The following PDK1 variants were observed in gnomAD, a reference collection of about 807,000 sequenced individuals.
The protein encoded by PDK1 is pyruvate dehydrogenase kinase 1.
In PDK1, 39 loss-of-function variants were observed where a neutral mutation model predicts 54.2. The observed-to-expected ratio is 0.72, with a 90% CI of 0.56 to 0.94. The LOEUF is 0.94. Among genes scored for constraint, PDK1 ranks in the 40% least tolerant of loss-of-function variants. The pLI is 0.00. For missense variants in PDK1, 552 were observed against 566.0 expected, an observed-to-expected ratio of 0.98 and a Z score of 0.25; for synonymous variants, 221 against 207.1, an observed-to-expected ratio of 1.07 and a Z score of -0.58.
downstream of PDK1, among the ~76,000 whole-genome samples, chr2:172,613,381 G>A (rs904969594): frequency 2.0e-5 from 3 of 152,194 alleles, no homozygotes; most frequent in African/African-American, 4.8e-5. Flanking sequence ...TGAGCAGTAC[G>A]CTCCATGACT....
rs200172534 is a variant in PDK1, at chr2:172,562,213, A to C, written c.339-7A>C. On this transcript the variant is annotated splice_polypyrimidine_tract_variant and splice_region_variant and intron_variant, in intron 2 of 10. Coordinates refer to ENST00000282077, the MANE Select transcript of PDK1 (RefSeq NM_002610.5). ...GAACAAACTTATCCTATTGATCTGCATTTTAGGTATATCCAGAGTCTTCAG... is the reference window on the plus strand; with the variant it reads ...GAACAAACTTATCCTATTGATCTGCCTTTTAGGTATATCCAGAGTCTTCAG... 1 of 1,511,618 alleles carries C rather than the reference A, an allele frequency of 6.6e-7. No individual in the cohort carries two copies. The allele number at this position is 1,511,618 out of a possible 1,614,324, so 93.6% of individuals were successfully genotyped here.
chr2:172,633,443 A>T, the PDK1 span, among the ~76,000 whole-genome samples: 1 of 146,124 alleles, frequency 6.8e-6, no homozygotes, highest in Non-Finnish European at 1.5e-5. Context: ...TCAAAATCAA[A>T]ACTGATCATT....
At chr2:172,694,525 A>G in the PDK1 span, among the ~76,000 whole-genome samples, 1 of 152,192 alleles carries the variant, frequency 6.6e-6, no homozygotes, top group Non-Finnish European at 1.5e-5. Flanking sequence ...TTCTCCAGGC[A>G]TTCAAGTTTC....
intron 8 of PDK1, 141 bp downstream of exon 8, chr2:172,570,965 G>A: frequency 1.8e-6 from 1 of 570,190 alleles, no homozygotes; most frequent in Non-Finnish European, 3.1e-6. Flanking sequence ...TAGATAATAA[G>A]CACATTGCTT....
chr2:172,582,369 G>C lies in PDK1; in HGVS notation c.946-3909G>C, dbSNP rs574644415. 3.3e-5 allele frequency among the ~76,000 whole-genome samples: 5 copies of C among 152,308 alleles called. No individual in the cohort carries two copies. In the South Asian group the frequency reaches 8.3e-4, roughly 25 times the overall value. On this transcript the variant is annotated intron_variant, in intron 8 of 10. Transcript: ENST00000282077. ...CTTTAGAGCTGTCATCTAGTCAGTA[G>C]TGGTTCATTTCATCTGGGCCTAGAG...
chr2:172,683,856 G>A, the PDK1 span, among the ~76,000 whole-genome samples: 4 of 152,198 alleles, frequency 2.6e-5, no homozygotes, highest in African/African-American at 7.2e-5. Context: ...GGGAAACACT[G>A]ACCTGTTGTA....
chr2:172,697,582 A>G, the PDK1 span, among the ~76,000 whole-genome samples: 1 of 152,224 alleles, frequency 6.6e-6, no homozygotes, highest in Non-Finnish European at 1.5e-5. Flanking sequence ...GTCTCCAGTT[A>G]AAATACAGTC....
At chr2:172,630,004 G>T in the PDK1 span, among the ~76,000 whole-genome samples, 6 of 152,018 alleles carry the variant, frequency 3.9e-5, no homozygotes, top group Non-Finnish European at 7.4e-5. Flanking sequence ...AAGGTGAGAA[G>T]GATTGATTGA....
At chr2:172,639,032 A>T in the PDK1 span, among the ~76,000 whole-genome samples, 26 of 152,328 alleles carry the variant, frequency 1.7e-4, no homozygotes, top group African/African-American at 6.3e-4. Flanking sequence ...TTTTAAAAAA[A>T]TTTTATTTTT....
At chr2:172,574,633 A>G (rs1439965737) in intron 8 of PDK1, among the ~76,000 whole-genome samples, 1 of 152,212 alleles carries the variant, frequency 6.6e-6, no homozygotes, top group Non-Finnish European at 1.5e-5. Flanking sequence ...TTAGTGTACA[A>G]GTCTTGGACT....
the PDK1 span, among the ~76,000 whole-genome samples, chr2:172,644,510 G>A: frequency 5.9e-5 from 9 of 152,212 alleles, no homozygotes; most frequent in African/African-American, 1.4e-4. Flanking sequence ...AACACACAGA[G>A]TATAGAGTGT....
the PDK1 span, among the ~76,000 whole-genome samples, chr2:172,653,075 A>G: frequency 1.3e-5 from 2 of 152,224 alleles, no homozygotes; most frequent in Non-Finnish European, 2.9e-5. Context: ...AAACTATACT[A>G]CAAGGCTATG....
chr2:172,668,945 A>AGAGAGG, the PDK1 span, among the ~76,000 whole-genome samples: 692 of 147,304 alleles, frequency 4.7e-3, 24 homozygotes, highest in South Asian at 0.051. Context: ...AGAGAAAGAG[A>AGAGAGG]GAGAGACGGA....
the PDK1 span, among the ~76,000 whole-genome samples, chr2:172,662,674 AAAAT>A: frequency 1.3e-5 from 2 of 152,308 alleles, no homozygotes; most frequent in African/African-American, 2.4e-5. Flanking sequence ...CAACCTTAGG[AAAAT>A]AAATAAATAA....
chr2:172,555,464 C>T (rs1291168372), upstream of PDK1: 1 of 152,186 alleles, frequency 6.6e-6, no homozygotes, highest in Admixed American at 6.5e-5. Context: ...GGCAGTACAT[C>T]TCTTCTCCCG....
the PDK1 span, among the ~76,000 whole-genome samples, chr2:172,700,212 C>T: frequency 6.6e-6 from 1 of 152,306 alleles, no homozygotes; most frequent in Non-Finnish European, 1.5e-5. Context: ...ACACTTCCCC[C>T]CTTTCTATTC....
chr2:172,691,832 G>T, the PDK1 span, among the ~76,000 whole-genome samples: 1 of 152,154 alleles, frequency 6.6e-6, no homozygotes. Context: ...GGACATCTTG[G>T]TTACTTATAA....
chr2:172,635,583 CG>C, the PDK1 span, among the ~76,000 whole-genome samples: 1 of 152,052 alleles, frequency 6.6e-6, no homozygotes, highest in African/African-American at 2.4e-5. Flanking sequence ...CCCAAAGTGC[CG>C]GGATTACAGG....
the PDK1 span, among the ~76,000 whole-genome samples, chr2:172,617,992 CT>C: frequency 6.6e-6 from 1 of 152,250 alleles, no homozygotes; most frequent in Non-Finnish European, 1.5e-5. Context: ...ACCCTCAACA[CT>C]TTTAGGGGTT....
Sources: gnomAD v4.1 joint callset for allele counts (sites outside exome capture counted in the v4.1 genomes callset) on GRCh38, gnomAD v4.1.1 for gene constraint, MANE v1.5 for transcripts, NCBI Gene and HGNC (gene_info 2026-07-23, HGNC 2026-07-21) for gene names.